RELN: variants seen among roughly 807,000 people sequenced by gnomAD.
RELN encodes the protein reelin.
RELN carries 108 observed loss-of-function variants against 427.6 expected under a neutral mutation model. The ratio of observed to expected loss-of-function variants is 0.25; its 90% CI spans 0.22 to 0.30. RELN has a LOEUF of 0.30. Among genes scored for constraint, RELN ranks in the 10% least tolerant of loss-of-function variants. RELN has a pLI of 1.00. For synonymous variants in RELN, 1,524 were observed against 1,513.4 expected (o/e 1.01, Z -0.16); for missense variants, 3,715 against 4,302.8 (o/e 0.86, Z 3.82).
intron 2 of RELN, among the ~76,000 whole-genome samples, chr7:103,905,222 C>T (rs997805851): frequency 7.9e-5 from 12 of 151,976 alleles, no homozygotes; most frequent in African/African-American, 2.7e-4. Flanking sequence ...GAGTGTTCCA[C>T]CCACCTCACC....
At chr7:103,506,315 G>A (rs963766127) in intron 51 of RELN, among the ~76,000 whole-genome samples, 6 of 152,090 alleles carry the variant, frequency 3.9e-5, no homozygotes, top group Admixed American at 1.3e-4. Context: ...AGAGAGAAAG[G>A]TCGGGTTACC....
intron 1 of RELN, among the ~76,000 whole-genome samples, chr7:103,920,750 T>C (rs1428806263): frequency 6.6e-6 from 1 of 151,980 alleles, no homozygotes; most frequent in African/African-American, 2.4e-5. Context: ...ATGAATGTAT[T>C]TTTAGTAGAG....
Position 103,557,156 on chromosome 7 carries a change from G to A in RELN, c.5618C>T (p.Thr1873Ile), listed in dbSNP as rs41275239. The A allele has an allele frequency of 3.5e-3, 5,639 of 1,610,538 alleles. 33 individuals carry two copies. Among genetic ancestry groups the A allele is most frequent in the South Asian group, 0.016 (1,437 of 90,988 alleles). Residue 1873 changes from threonine (T) to isoleucine (I), a missense_variant, in exon 38 of 65, where the codon ACC becomes ATC. Coordinates refer to ENST00000428762, the MANE Select transcript of RELN (RefSeq NM_005045.4). Reference protein sequence around the residue: ...QFSLRFIAKSTPERSHSILLQ... With the variant: ...QFSLRFIAKSIPERSHSILLQ... ...CAGAATAGAGTGAGATCTCTCTGGGGTACCTAGGAAGAAGATAACACAGGT... is the reference window on the plus strand; with the variant it reads ...CAGAATAGAGTGAGATCTCTCTGGGATACCTAGGAAGAAGATAACACAGGT...
intron 3 of RELN, among the ~76,000 whole-genome samples, chr7:103,818,914 C>CT (rs967850295): frequency 1.3e-5 from 2 of 151,048 alleles, no homozygotes; most frequent in African/African-American, 4.9e-5. Flanking sequence ...ATTCATGTTA[C>CT]TTTTTTTTAA....
chr7:103,806,503 T>C (rs1009439546), intron 3 of RELN, among the ~76,000 whole-genome samples: 1 of 152,078 alleles, frequency 6.6e-6, no homozygotes, highest in Non-Finnish European at 1.5e-5. Flanking sequence ...TTTTGTATTT[T>C]TAGTAGAGAA....
intron 49 of RELN, among the ~76,000 whole-genome samples, chr7:103,519,086 A>G (rs1196140398): frequency 6.6e-6 from 1 of 152,010 alleles, no homozygotes; most frequent in Non-Finnish European, 1.5e-5. Context: ...GGGTTTATTC[A>G]CCGTTGGCAT....
intron 63 of RELN, 130 bp downstream of exon 63, chr7:103,482,743 T>G: frequency 6.5e-7 from 1 of 1,544,624 alleles, no homozygotes; most frequent in Non-Finnish European, 8.7e-7. Context: ...TGCAAAAGAG[T>G]GTAAGCCAAA....
intron 38 of RELN, among the ~76,000 whole-genome samples, chr7:103,555,333 C>T (rs1318752569): frequency 6.6e-6 from 1 of 152,192 alleles, no homozygotes; most frequent in Non-Finnish European, 1.5e-5. Context: ...TAAACAGGAG[C>T]CTGTAGAACA....
chr7:103,851,479 A>C (rs1227137010), intron 2 of RELN, among the ~76,000 whole-genome samples: 1 of 152,168 alleles, frequency 6.6e-6, no homozygotes, highest in Non-Finnish European at 1.5e-5. Flanking sequence ...CCATTAATTT[A>C]TGGAAAAATA....
chr7:103,498,229 G>C lies in RELN; in HGVS notation c.8691C>G (p.Asp2897Glu), dbSNP rs763188823. The stretch of plus-strand genomic sequence containing the variant: ...ATAAGTCAGGTTTGATTTCTTCACT[G>C]TCAAAGCGTTCCTTCAGGAAAGTCT... ...TLKTFLKERF[D>E]SEEIKPDLWM... is the part of the protein sequence containing the mutation. Residue 2897 changes from aspartate to glutamate, a missense_variant, in exon 54 of 65, where the codon GAC (aspartate) becomes GAG (glutamate). This residue lies in a region of RELN where 1,310 missense variants were observed against 1,643.0 expected (regional missense o/e 0.80). Coordinates refer to ENST00000428762, the MANE Select transcript of RELN (RefSeq NM_005045.4). The C allele has an allele frequency of 6.2e-7, 1 of 1,613,862 alleles. No homozygotes were observed. The highest frequency in any genetic ancestry group is 8.5e-7 in the Non-Finnish European group (1 of 1,179,920).
At chr7:103,487,080 A>T (rs1365319936) in intron 60 of RELN, among the ~76,000 whole-genome samples, 1 of 152,196 alleles carries the variant, frequency 6.6e-6, no homozygotes, top group Non-Finnish European at 1.5e-5. Flanking sequence ...GCAGCCATAT[A>T]GAAGGATGAG....
rs139484100 is a variant in RELN at position 103,981,709 on chromosome 7, T to C, written c.226+7422A>G. 7.0e-4 allele frequency among the ~76,000 whole-genome samples: 107 copies of C among 152,316 alleles called. 1 individual carries two copies. The highest frequency in any genetic ancestry group is 2.3e-3 in the African/African-American group (94 of 41,572). ...CTGAAGATATAAAGGAGGACCCAGC[T>C]CCCTCTAAAGTTTTGTTCCACCATC... On this transcript the variant is annotated intron_variant, in intron 1 of 64. Coordinates refer to ENST00000428762, the MANE Select transcript of RELN (RefSeq NM_005045.4).
intron 6 of RELN, among the ~76,000 whole-genome samples, chr7:103,736,610 C>T (rs1436943689): frequency 1.3e-5 from 2 of 152,140 alleles, no homozygotes; most frequent in East Asian, 1.9e-4. Flanking sequence ...GAATGACAAA[C>T]GTTATTTGGG....
chr7:103,669,225 A>G (rs1353671213), intron 11 of RELN, among the ~76,000 whole-genome samples: 1 of 152,234 alleles, frequency 6.6e-6, no homozygotes, highest in Non-Finnish European at 1.5e-5. Context: ...ATTTATAATC[A>G]AGTAAAATGG....
chr7:103,773,162 T>TTCTTTCTTTC (rs1391560154), intron 4 of RELN, among the ~76,000 whole-genome samples: 185 of 106,026 alleles, frequency 1.7e-3, no homozygotes, highest in African/African-American at 6.0e-3. Flanking sequence ...CTTTCTTTCT[T>TTCTTTCTTTC]TCTTTTTCTT....
At chr7:103,519,286 G>T (rs373014235) in intron 49 of RELN, 37 bp downstream of exon 49, 1 of 1,504,586 alleles carries the variant, frequency 6.6e-7, no homozygotes, top group East Asian at 2.3e-5. Context: ...ATCTCTGCTC[G>T]ATGTACTCGT....
At position 103,500,835 on chromosome 7, in the gene RELN, G is replaced by A. The variant is rs1162398803; in HGVS notation, c.8577C>T (p.Asn2859=). 14 of 1,614,134 alleles carry A rather than the reference G, an allele frequency of 8.7e-6. No homozygotes were observed. The highest frequency in any genetic ancestry group is 1.1e-5 in the Non-Finnish European group (13 of 1,179,990). ...TTAAGCAATCTCCATGGCCCCTGCA[G>A]TTGTCCAAGCATCCAGGGCCCAGGT... ...NFYLGPGCLD[N]CRGHGDCLRE... The change falls in exon 53 of 65, where the codon AAC becomes AAT. Residue 2859 remains asparagine, a synonymous_variant. Coordinates refer to ENST00000428762, the MANE Select transcript of RELN (RefSeq NM_005045.4).
chr7:103,628,215 T>C (rs1189475939), intron 20 of RELN: 1 of 152,218 alleles, frequency 6.6e-6, no homozygotes, highest in Non-Finnish European at 1.5e-5. Context: ...TTTAATCGTT[T>C]ATCTTCTTTA....
Position 103,742,740 on chromosome 7 carries a change from C to T in RELN, c.656+6686G>A, listed in dbSNP as rs867302652. Reference sequence around the variant, plus strand: ...AAAGAATAAAAAGAAACGAACAAATCCTCTAAGAAATATGGGACTATGTGA... The same window carrying T: ...AAAGAATAAAAAGAAACGAACAAATTCTCTAAGAAATATGGGACTATGTGA... On this transcript the variant is annotated intron_variant, in intron 6 of 64. Coordinates refer to ENST00000428762, the MANE Select transcript of RELN (RefSeq NM_005045.4). Among the ~76,000 whole-genome samples the T allele has an allele frequency of 3.3e-5, 5 of 152,278 alleles. No homozygotes were observed. In the South Asian group the frequency reaches 6.2e-4, roughly 19 times the overall value.
Sources: gnomAD v4.1 joint callset for allele counts (sites outside exome capture counted in the v4.1 genomes callset) on GRCh38, gnomAD v4.1.1 for gene constraint, gnomAD v4.1.1 regional missense constraint, MANE v1.5 for transcripts, NCBI Gene and HGNC (gene_info 2026-07-23, HGNC 2026-07-21) for gene names.